Variants in HDAC4 observed in about 807,000 individuals in gnomAD.
The protein encoded by HDAC4 is histone deacetylase 4, also known as histone deacetylase A.
In HDAC4, 16 loss-of-function variants were observed where a neutral mutation model predicts 135.1. That is an observed-to-expected ratio of 0.12 (90% confidence interval 0.08 to 0.18). The LOEUF (loss-of-function observed/expected upper bound fraction) is 0.18, where lower values mean the gene tolerates loss of function less well. HDAC4 is among the 10% of genes least tolerant of loss of function. The pLI is 1.00. For synonymous variants in HDAC4, 685 were observed against 653.4 expected (o/e 1.05, Z -0.74); for missense variants, 1,143 against 1,511.8 (o/e 0.76, Z 4.05).
At chr2:239,356,705 GCA>G (rs1693509433) in intron 1 of HDAC4, among the ~76,000 whole-genome samples, 1 of 151,908 alleles carries the variant, frequency 6.6e-6, no homozygotes, top group African/African-American at 2.4e-5. Context: ...CATCAAGTGG[GCA>G]CACAGTCCTA....
chr2:239,169,337 C>T lies in HDAC4; in HGVS notation c.491-5414G>A, dbSNP rs554854201. Reference sequence around the variant, plus strand: ...CCCCAGTGCTTGGGCCCGTGGCGCACACCCGCGATGTGGGTCCCACGCACG... The same window carrying T: ...CCCCAGTGCTTGGGCCCGTGGCGCATACCCGCGATGTGGGTCCCACGCACG... On this transcript the variant is annotated intron_variant, in intron 5 of 26. Coordinates refer to ENST00000543185, the MANE Select transcript of HDAC4 (RefSeq NM_001378414.1). 6.6e-5 allele frequency among the ~76,000 whole-genome samples: 10 copies of T among 152,232 alleles called. 1 individual carries two copies. Among genetic ancestry groups the T allele is most frequent in the Non-Finnish European group, 1.3e-4 (9 of 68,034 alleles).
At chr2:239,200,719 T>C (rs1423525981) in intron 3 of HDAC4, among the ~76,000 whole-genome samples, 1 of 152,142 alleles carries the variant, frequency 6.6e-6, no homozygotes, top group Non-Finnish European at 1.5e-5. Context: ...TATTTATGGA[T>C]GTGCACAGGG....
intron 18 of HDAC4, among the ~76,000 whole-genome samples, chr2:239,088,461 T>C (rs1045101226): frequency 1.3e-5 from 2 of 152,264 alleles, no homozygotes; most frequent in Non-Finnish European, 2.9e-5. Flanking sequence ...CTGCACTCAG[T>C]GCTTCCGAGT....
At chr2:239,323,279 A>G (rs1344350456) in intron 2 of HDAC4, among the ~76,000 whole-genome samples, 1 of 152,110 alleles carries the variant, frequency 6.6e-6, no homozygotes, top group Non-Finnish European at 1.5e-5. Context: ...AAGAGAGAAA[A>G]AGAGAGAGAG....
chr2:239,277,174 G>C (rs1258174554), intron 2 of HDAC4, among the ~76,000 whole-genome samples: 1 of 152,250 alleles, frequency 6.6e-6, no homozygotes, highest in African/African-American at 2.4e-5. Context: ...GAGGTTAGCA[G>C]AAGGATCAGT....
In HDAC4 at chr2:239,126,444, C is replaced by A; in HGVS notation, c.1533+12G>T. On this transcript the variant is annotated intron_variant, in intron 12 of 26. Coordinates refer to ENST00000543185, the MANE Select transcript of HDAC4 (RefSeq NM_001378414.1). ...GCCCTGGGGCCTGGGAGCGCTGAGC[C>A]GGCAAACCCACCTTGTTCATCTGCA... 1 of 1,613,452 alleles carries A rather than the reference C, an allele frequency of 6.2e-7. No individual in the cohort carries two copies. The highest frequency in any genetic ancestry group is 1.1e-5 in the South Asian group (1 of 91,016).
rs2152721907 is a variant in HDAC4, at chr2:239,090,086, G to A, written c.2311C>T (p.His771Tyr). The A allele has an allele frequency of 6.2e-7, 1 of 1,613,686 alleles. No homozygotes were observed. Among genetic ancestry groups the A allele is most frequent in the Non-Finnish European group, 8.5e-7 (1 of 1,179,892 alleles). Residue 771 changes from histidine to tyrosine, a missense_variant, in exon 18 of 27, where the codon CAC becomes TAC. Physicochemically the swap from His to Tyr is moderately conservative, Grantham distance 83. Around this residue, in one of 9 missense-constraint regions of HDAC4, gnomAD observed 49 missense variants for 55.6 expected, o/e 0.88. Transcript: ENST00000543185. ...GCCAGGCGGGCTGCCCCCGCCGAGT[G>A]CACCTCGTTCCATATGGTGTCACTG... ...VDSDTIWNEV[H>Y]SAGAARLAVG...
chr2:239,281,810 C>G (rs1379863455), intron 2 of HDAC4, among the ~76,000 whole-genome samples: 2 of 149,268 alleles, frequency 1.3e-5, no homozygotes, highest in East Asian at 4.0e-4. Flanking sequence ...CTACAATGTA[C>G]ACACCACTCT....
chr2:239,211,164 C>T (rs1324657113), intron 3 of HDAC4, among the ~76,000 whole-genome samples: 1 of 152,222 alleles, frequency 6.6e-6, no homozygotes, highest in Non-Finnish European at 1.5e-5. Context: ...AAAAGATTCA[C>T]TTACATTCCA....
At chr2:239,170,546 G>A (rs907790785) in intron 5 of HDAC4, among the ~76,000 whole-genome samples, 9 of 152,108 alleles carry the variant, frequency 5.9e-5, no homozygotes, top group African/African-American at 1.4e-4. Flanking sequence ...CAGACAAAAC[G>A]AAGAACATAA....
intron 2 of HDAC4, among the ~76,000 whole-genome samples, chr2:239,279,858 TC>T (rs1436613366): frequency 6.6e-6 from 1 of 152,152 alleles, no homozygotes; most frequent in Admixed American, 6.5e-5. Context: ...CTCCACGCCT[TC>T]CCCAGGACCC....
At chr2:239,074,769 A>C (rs2034564906) in intron 22 of HDAC4, among the ~76,000 whole-genome samples, 1 of 152,104 alleles carries the variant, frequency 6.6e-6, no homozygotes, top group South Asian at 2.1e-4. Flanking sequence ...TTGCCTGTAA[A>C]AAGGAAGCTG....
intron 1 of HDAC4, among the ~76,000 whole-genome samples, chr2:239,365,428 T>C (rs1326961183): frequency 6.6e-6 from 1 of 152,272 alleles, no homozygotes; most frequent in African/African-American, 2.4e-5. Context: ...AAACAGGCTC[T>C]GCTGAGCTGA....
chr2:239,163,784 T>C lies in HDAC4; in HGVS notation c.611+19A>G. The C allele has an allele frequency of 6.2e-7, 1 of 1,613,166 alleles. No individual in the cohort carries two copies. The highest frequency in any genetic ancestry group is 1.1e-5 in the South Asian group (1 of 91,052). On this transcript the variant is annotated intron_variant, in intron 6 of 26. Coordinates refer to ENST00000543185, the MANE Select transcript of HDAC4 (RefSeq NM_001378414.1). ...GCCCCCAGAGAGGAGGCCGGGGTGC[T>C]CCCCACACCCACACTTACCCGTACC...
At chr2:239,117,216 G>A (rs1433788029) in intron 12 of HDAC4, among the ~76,000 whole-genome samples, 1 of 152,172 alleles carries the variant, frequency 6.6e-6, no homozygotes, top group African/African-American at 2.4e-5. Flanking sequence ...ACAGGGTGCC[G>A]GAGACGAGGT....
intron 22 of HDAC4, among the ~76,000 whole-genome samples, chr2:239,076,704 C>T (rs1353603057): frequency 3.3e-5 from 5 of 152,214 alleles, no homozygotes; most frequent in Non-Finnish European, 2.9e-5. Context: ...CCTGGGGCAT[C>T]GTCCACACAA....
intron 24 of HDAC4, among the ~76,000 whole-genome samples, chr2:239,063,495 C>T (rs972036203): frequency 2.6e-4 from 39 of 152,196 alleles, no homozygotes; most frequent in African/African-American, 8.0e-4. Context: ...TGAGCCACTG[C>T]GCCCGGCCAG....
intron 2 of HDAC4, among the ~76,000 whole-genome samples, chr2:239,270,979 C>A (rs999092237): frequency 6.6e-6 from 1 of 152,174 alleles, no homozygotes; most frequent in African/African-American, 2.4e-5. Context: ...AGTTACAAAT[C>A]TCTGAAAATA....
chr2:239,373,198 T>C (rs1334580221), intron 1 of HDAC4, among the ~76,000 whole-genome samples: 1 of 152,178 alleles, frequency 6.6e-6, no homozygotes, highest in Non-Finnish European at 1.5e-5. Flanking sequence ...CAGCCGCGCG[T>C]ACCTCCTCCA....
Sources: gnomAD v4.1 joint callset for allele counts (sites outside exome capture counted in the v4.1 genomes callset) on GRCh38, gnomAD v4.1.1 for gene constraint, gnomAD v4.1.1 regional missense constraint, MANE v1.5 for transcripts, NCBI Gene and HGNC (gene_info 2026-07-23, HGNC 2026-07-21) for gene names.